IQGAP1: variants seen among roughly 807,000 people sequenced by gnomAD.
IQGAP1 encodes ras GTPase-activating-like protein IQGAP1.
Under a neutral mutation model 215.6 loss-of-function variants are expected in IQGAP1, and 66 were observed. The observed-to-expected ratio is 0.31, with a 90% CI of 0.25 to 0.38. The LOEUF is 0.38. IQGAP1 is among the 10% of genes least tolerant of loss of function. The pLI is 1.00. For missense variants in IQGAP1, 1,712 were observed against 1,997.1 expected (o/e 0.86, Z 2.72); for synonymous variants, 772 against 728.7 (o/e 1.06, Z -0.96).
intron 8 of IQGAP1, among the ~76,000 whole-genome samples, chr15:90,442,888 C>T (rs540241329): frequency 5.9e-5 from 9 of 151,902 alleles, no homozygotes; most frequent in African/African-American, 1.4e-4. Flanking sequence ...AAGAGAATCA[C>T]GTGAACCCAG....
intron 15 of IQGAP1, among the ~76,000 whole-genome samples, chr15:90,463,533 A>G (rs1165844362): frequency 6.6e-6 from 1 of 152,216 alleles, no homozygotes; most frequent in Admixed American, 6.5e-5. Flanking sequence ...ATTGTCTCAC[A>G]TTGGAACTAT....
chr15:90,431,523 G>C (rs1416402750), intron 4 of IQGAP1, among the ~76,000 whole-genome samples: 1 of 152,000 alleles, frequency 6.6e-6, no homozygotes, highest in African/African-American at 2.4e-5. Flanking sequence ...TAGTAGTGTT[G>C]TTACTACGAG....
chr15:90,441,408 A>G, intron 7 of IQGAP1, 98 bp from the exon 8 acceptor site: 1 of 1,023,120 alleles, frequency 9.8e-7, no homozygotes, highest in South Asian at 1.6e-5. Context: ...CTCTGTCTCT[A>G]ATGGGGGGTG....
intron 15 of IQGAP1, among the ~76,000 whole-genome samples, chr15:90,461,000 A>T (rs1474672600): frequency 7.5e-5 from 2 of 26,696 alleles, no homozygotes; most frequent in East Asian, 2.6e-3. Context: ...CCCTGTCTTT[A>T]AAAAAAAAAA....
chr15:90,445,007 C>T (rs181693217), intron 9 of IQGAP1, among the ~76,000 whole-genome samples: 1 of 152,200 alleles, frequency 6.6e-6, no homozygotes, highest in African/African-American at 2.4e-5. Flanking sequence ...CCTGTAGTCC[C>T]AGCTACTTGG....
intron 11 of IQGAP1, 113 bp from the exon 12 acceptor site, chr15:90,452,662 A>T: frequency 8.0e-7 from 1 of 1,256,968 alleles, no homozygotes; most frequent in Non-Finnish European, 1.1e-6. Context: ...TTCCACTTCA[A>T]ACTTCATGGC....
intron 2 of IQGAP1, among the ~76,000 whole-genome samples, chr15:90,400,018 T>G (rs1374962968): frequency 6.6e-6 from 1 of 152,204 alleles, no homozygotes; most frequent in Non-Finnish European, 1.5e-5. Flanking sequence ...AACTTGATTT[T>G]TTTTTCCTTT....
intron 2 of IQGAP1, among the ~76,000 whole-genome samples, chr15:90,410,799 A>C (rs1348214644): frequency 6.6e-6 from 1 of 151,658 alleles, no homozygotes; most frequent in African/African-American, 2.4e-5. Context: ...CATATGTAAC[A>C]AACCTGCATG....
intron 18 of IQGAP1, 108 bp from the exon 19 acceptor site, chr15:90,472,732 A>G: frequency 9.6e-7 from 1 of 1,041,714 alleles, no homozygotes; most frequent in South Asian, 1.5e-5. Flanking sequence ...TCTAGTATAG[A>G]CTTAGGAAGC....
chr15:90,401,360 G>C (rs1476593740), intron 2 of IQGAP1, among the ~76,000 whole-genome samples: 1 of 152,070 alleles, frequency 6.6e-6, no homozygotes, highest in Non-Finnish European at 1.5e-5. Context: ...TTGTATGTTG[G>C]GAAGAATTAG....
chr15:90,406,047 A>T (rs1964873444), intron 2 of IQGAP1, among the ~76,000 whole-genome samples: 1 of 152,192 alleles, frequency 6.6e-6, no homozygotes, highest in South Asian at 2.1e-4. Flanking sequence ...ATTGCAAAGG[A>T]CGGGAGTGTG....
chr15:90,389,841 C>T (rs1964609535), intron 1 of IQGAP1, among the ~76,000 whole-genome samples: 1 of 150,650 alleles, frequency 6.6e-6, no homozygotes, highest in Non-Finnish European at 1.5e-5. Flanking sequence ...CCTGTGGTCC[C>T]AGCTGCTTGG....
intron 11 of IQGAP1, among the ~76,000 whole-genome samples, 161 bp downstream of exon 11, chr15:90,449,804 T>G (rs1206118180): frequency 2.0e-5 from 3 of 152,186 alleles, no homozygotes; most frequent in Admixed American, 6.5e-5. Context: ...AGTTTGTTGT[T>G]GTGGTGGTTT....
chr15:90,388,247 C>T lies in IQGAP1; in HGVS notation c.-95C>T, dbSNP rs141041225. ...GCACGGGGCGGGGCCTCGGGGACCC[C>T]GGCAAGCCCGCGCACTTGGCAGGAG... is the stretch of plus-strand genomic sequence containing the variant. On this transcript the variant is annotated 5_prime_UTR_variant, in exon 1 of 38. Coordinates refer to ENST00000268182, the MANE Select transcript of IQGAP1 (RefSeq NM_003870.4). 1.6e-4 allele frequency: 234 copies of T among 1,423,040 alleles called. 1 individual carries two copies. The highest frequency in any genetic ancestry group is 2.1e-4 in the Non-Finnish European group (217 of 1,042,980). 88.2% of individuals were successfully genotyped at this position (1,423,040 alleles called of 1,614,324 possible).
chr15:90,498,010 A>G (rs1420084477), intron 37 of IQGAP1, among the ~76,000 whole-genome samples: 1 of 151,824 alleles, frequency 6.6e-6, no homozygotes, highest in East Asian at 1.9e-4. Flanking sequence ...CTTCCTGTCA[A>G]TGTACATTTG....
rs1965926997 is a variant in IQGAP1 at position 90,472,990 on chromosome 15, C to G, written c.2329C>G (p.Pro777Ala). 14 of 1,613,888 alleles carry G rather than the reference C, an allele frequency of 8.7e-6. No individual in the cohort carries two copies. The highest frequency in any genetic ancestry group is 1.1e-5 in the Non-Finnish European group (13 of 1,179,906). Residue 777 changes from proline (P) to alanine (A), a missense_variant, in exon 19 of 38, where the codon CCT becomes GCT. By Grantham distance (27) the Pro-to-Ala change is conservative. Around this residue, in one of 2 missense-constraint regions of IQGAP1, gnomAD observed 1,021 missense variants for 1,074.2 expected, o/e 0.95. Coordinates refer to ENST00000268182, the MANE Select transcript of IQGAP1 (RefSeq NM_003870.4). ...SRMNFLKKQI[P>A]AITCIQSQWR... ...GATGAATTTCCTGAAGAAACAAATC[C>G]CTGCCATCACCTGCATTCAGGTATT...
chr15:90,423,078 A>T (rs1356428894), intron 2 of IQGAP1, among the ~76,000 whole-genome samples: 1 of 146,880 alleles, frequency 6.8e-6, no homozygotes, highest in African/African-American at 2.5e-5. Context: ...AGGTTTTCTG[A>T]TTCTGTGATT....
intron 9 of IQGAP1, among the ~76,000 whole-genome samples, chr15:90,444,100 A>G (rs1326052187): frequency 6.6e-6 from 1 of 151,902 alleles, no homozygotes; most frequent in Non-Finnish European, 1.5e-5. Flanking sequence ...TTAAAGTAAC[A>G]TTATATTTTT....
At chr15:90,431,048 ATATAT>A (rs1392947032) in intron 4 of IQGAP1, among the ~76,000 whole-genome samples, 3 of 148,094 alleles carry the variant, frequency 2.0e-5, no homozygotes, top group East Asian at 1.9e-4. Context: ...ACAATATATT[ATATAT>A]TATATATACA....
Sources: gnomAD v4.1 joint callset for allele counts (sites outside exome capture counted in the v4.1 genomes callset) on GRCh38, gnomAD v4.1.1 for gene constraint, gnomAD v4.1.1 regional missense constraint, MANE v1.5 for transcripts, NCBI Gene and HGNC (gene_info 2026-07-23, HGNC 2026-07-21) for gene names.